ERCC6L: variants seen among roughly 807,000 people sequenced by gnomAD.
ERCC6L encodes the protein ERCC excision repair 6 like, spindle assembly checkpoint helicase, also known as DNA excision repair protein ERCC-6-like.
In ERCC6L, 7 loss-of-function variants were observed where a neutral mutation model predicts 20.1. That is an observed-to-expected ratio of 0.35 (90% CI 0.20 to 0.65). The LOEUF (loss-of-function observed/expected upper bound fraction) is 0.65, where lower values mean the gene tolerates loss of function less well. Among genes scored for constraint, ERCC6L ranks in the 30% least tolerant of loss-of-function variants. The pLI is 0.69. For synonymous variants in ERCC6L, 278 were observed against 331.3 expected (o/e 0.84, Z 1.75); for missense variants, 592 against 892.4 (o/e 0.66, Z 4.29).
At chrX:72,212,103 C>T (rs1172135711) in intron 1 of ERCC6L, among the ~76,000 whole-genome samples, 1 of 110,016 alleles carries the variant, frequency 9.1e-6, no homozygotes, top group Non-Finnish European at 1.9e-5. Context: ...GGTGAAACCC[C>T]GTCTCTACTA....
intron 1 of ERCC6L, among the ~76,000 whole-genome samples, chrX:72,221,413 A>G (rs5958801): frequency 0.45 from 49,611 of 110,050 alleles, 10,402 homozygotes; most frequent in East Asian, 0.98. Context: ...CAGCTTGACC[A>G]TCCTCTTTAG....
chrX:72,206,702 C>T lies in ERCC6L; in HGVS notation c.2065G>A (p.Asp689Asn), dbSNP rs188646020. 1 of 1,209,706 alleles carries T rather than the reference C, an allele frequency of 8.3e-7. No homozygotes were observed. Among genetic ancestry groups the T allele is most frequent in the East Asian group, 3.0e-5 (1 of 33,762 alleles). ...ATATAGTGAGATTCTTCTACCACAT[C>T]AAGCTCTTCTTTAACAGACAGATCA... ...TCDLSVKEELDVVEESHYIQQ... is the reference protein window; with the variant it reads ...TCDLSVKEELNVVEESHYIQQ... The change falls in exon 2 of 2, where the codon GAT (aspartate) becomes AAT (asparagine). Residue 689 changes from aspartate to asparagine, a missense_variant. By Grantham distance (23) the Asp-to-Asn change is conservative. This residue lies in a region of ERCC6L where 352 missense variants were observed against 402.6 expected (regional missense o/e 0.87). Coordinates refer to ENST00000334463, the MANE Select transcript of ERCC6L (RefSeq NM_017669.4).
intron 1 of ERCC6L, among the ~76,000 whole-genome samples, chrX:72,236,762 A>G (rs1405219779): frequency 9.0e-6 from 1 of 111,621 alleles, no homozygotes; most frequent in East Asian, 2.8e-4. Flanking sequence ...ATTCAATATC[A>G]TTTTGCTGCA....
chrX:72,238,983 C>CTTGGAGA lies in ERCC6L; in HGVS notation c.-73_-72insTCTCCAA. 2 of 1,026,559 alleles carry CTTGGAGA rather than the reference C, an allele frequency of 1.9e-6. No individual in the cohort carries two copies. The highest frequency in any genetic ancestry group is 1.9e-5 in the African/African-American group (1 of 53,804). The allele number at this position is 1,026,559 out of a possible 1,213,427, so 84.6% of individuals were successfully genotyped here. A position where few individuals can be genotyped will look rare whatever the true frequency, so the allele number is the denominator to read the frequency against. ...GGAGCTTGGAGCTTGGAGCTTGGAG[C>CTTGGAGA]TTAGAGTTTGGAGCTTGAATTTCGC... On this transcript the variant is annotated 5_prime_UTR_variant, in exon 1 of 2. The change creates a premature stop within an existing upstream ORF in the 5' untranslated region. Coordinates refer to ENST00000334463, the MANE Select transcript of ERCC6L (RefSeq NM_017669.4).
intron 1 of ERCC6L, among the ~76,000 whole-genome samples, chrX:72,213,911 C>T (rs891878488): frequency 3.6e-5 from 4 of 112,047 alleles, no homozygotes; most frequent in Non-Finnish European, 7.5e-5. Flanking sequence ...AGAACAAAGA[C>T]CTGTCCGTTA....
In ERCC6L at chrX:72,207,622, C is replaced by T; in HGVS notation, c.1145G>A (p.Arg382Lys). 1 of 1,210,577 alleles carries T rather than the reference C, an allele frequency of 8.3e-7. No homozygotes were observed. Among genetic ancestry groups the T allele is most frequent in the Non-Finnish European group, 1.1e-6 (1 of 894,812 alleles). ...RLVPLQEEIY[R>K]KFVSLDHIKE... ...GATATGATCTAAAGACACAAATTTC[C>T]TGTATATTTCTTCTTGTAAAGGCAC... The change falls in exon 2 of 2, where the codon AGG (arginine) becomes AAG (lysine). Residue 382 changes from arginine (R) to lysine (K), a missense_variant. By Grantham distance (26) the Arg-to-Lys change is conservative. Coordinates refer to ENST00000334463, the MANE Select transcript of ERCC6L (RefSeq NM_017669.4).
At chrX:72,234,161 A>C (rs1280132483) in intron 1 of ERCC6L, among the ~76,000 whole-genome samples, 1 of 112,118 alleles carries the variant, frequency 8.9e-6, no homozygotes, top group East Asian at 2.8e-4. Flanking sequence ...TAAGTATTTC[A>C]GCGTGAAATG....
chrX:72,205,874 G>T lies in ERCC6L; in HGVS notation c.2893C>A (p.Gln965Lys). The stretch of plus-strand genomic sequence containing the variant: ...TCTAAAGACTGACTGGAAAAATTTT[G>T]TCTGTTGTCTGCTGAGTCTTCCAAG... Reference protein sequence around the residue: ...LFLEDSADNRQNFSSQSLEHV... With the variant: ...LFLEDSADNRKNFSSQSLEHV... The change falls in exon 2 of 2, where the codon CAA (glutamine) becomes AAA (lysine). Residue 965 changes from glutamine to lysine, a missense_variant. Gln to Lys is a moderately conservative substitution (Grantham distance 53). Around this residue, in one of 3 missense-constraint regions of ERCC6L, gnomAD observed 352 missense variants for 402.6 expected, o/e 0.87. Transcript: ENST00000334463. 1.7e-6 allele frequency: 2 copies of T among 1,211,482 alleles called. No individual in the cohort carries two copies. Among genetic ancestry groups the T allele is most frequent in the Non-Finnish European group, 2.2e-6 (2 of 895,437 alleles).
In ERCC6L at chrX:72,208,012, C is replaced by T. The variant is rs201800132; in HGVS notation, c.755G>A (p.Arg252His). 9.9e-6 allele frequency: 12 copies of T among 1,210,796 alleles called. No homozygotes were observed. Among genetic ancestry groups the T allele is most frequent in the African/African-American group, 5.2e-5 (3 of 57,641 alleles). ...ICARAIPASN[R>H]LLLTGTPIQN... ...GATTGGGGTTCCTGTGAGGAGGAGG[C>T]GATTACTTGCAGGAATAGCACGAGC... The change falls in exon 2 of 2, where the codon CGC becomes CAC. Residue 252 changes from arginine (R) to histidine (H), a missense_variant. By Grantham distance (29) the Arg-to-His change is conservative. Around this residue, in one of 3 missense-constraint regions of ERCC6L, gnomAD observed 196 missense variants for 440.1 expected, o/e 0.45. Coordinates refer to ENST00000334463, the MANE Select transcript of ERCC6L (RefSeq NM_017669.4).
intron 1 of ERCC6L, among the ~76,000 whole-genome samples, chrX:72,217,389 T>C (rs2042892497): frequency 2.7e-5 from 3 of 111,793 alleles, no homozygotes; most frequent in South Asian, 7.5e-4. Flanking sequence ...AAATAGTTCT[T>C]GTCTGAGGAA....
At chrX:72,230,721 G>T (rs1291498859) in intron 1 of ERCC6L, among the ~76,000 whole-genome samples, 1 of 112,022 alleles carries the variant, frequency 8.9e-6, no homozygotes, top group Non-Finnish European at 1.9e-5. Flanking sequence ...CCAGCACTTT[G>T]GGAGGCCTAG....
At chrX:72,229,198 T>C (rs1267402646) in intron 1 of ERCC6L, among the ~76,000 whole-genome samples, 1 of 111,681 alleles carries the variant, frequency 9.0e-6, no homozygotes, top group Non-Finnish European at 1.9e-5. Flanking sequence ...AATCTCCCTG[T>C]AGGATCCTTA....
chrX:72,226,773 G>C (rs1441766696), intron 1 of ERCC6L, among the ~76,000 whole-genome samples: 2 of 111,345 alleles, frequency 1.8e-5, no homozygotes, highest in African/African-American at 6.5e-5. Flanking sequence ...ACCAAATACA[G>C]CAACTAATCA....
chrX:72,209,273 T>C (rs1313439531), intron 1 of ERCC6L, among the ~76,000 whole-genome samples: 1 of 111,750 alleles, frequency 8.9e-6, no homozygotes, highest in Non-Finnish European at 1.9e-5. Flanking sequence ...CTCCCACCTA[T>C]GTGCTCATGA....
rs1157786761 is a variant in ERCC6L, at chrX:72,208,596, C to T, written c.171G>A (p.Leu57=). The T allele has an allele frequency of 8.3e-7, 1 of 1,211,314 alleles. No individual in the cohort carries two copies. The highest frequency in any genetic ancestry group is 2.2e-5 in the Admixed American group (1 of 45,966). The part of the protein sequence containing the change: ...AKDIFPNEKV[L]SRIQKIQEAL... ...CTTCCTGTATTTTTTGGATTCTGCT[C>T]AGCACTTTTTCATTGGGAAAAATGT... The change falls in exon 2 of 2, where the codon CTG becomes CTA. Residue 57 remains leucine (L), a synonymous_variant. Coordinates refer to ENST00000334463, the MANE Select transcript of ERCC6L (RefSeq NM_017669.4).
chrX:72,230,638 T>G (rs1247805869), intron 1 of ERCC6L, among the ~76,000 whole-genome samples: 4 of 112,104 alleles, frequency 3.6e-5, no homozygotes, highest in Non-Finnish European at 3.8e-5. Flanking sequence ...AAGGGAACGC[T>G]TGTATACTGT....
intron 1 of ERCC6L, among the ~76,000 whole-genome samples, chrX:72,221,084 C>T (rs920953388): frequency 8.9e-6 from 1 of 111,861 alleles, no homozygotes; most frequent in African/African-American, 3.2e-5. Flanking sequence ...AGGCTCTGGC[C>T]GGGGCTACTC....
chrX:72,220,985 T>C (rs1359773029), intron 1 of ERCC6L, among the ~76,000 whole-genome samples: 1 of 111,906 alleles, frequency 8.9e-6, no homozygotes, highest in Non-Finnish European at 1.9e-5. Flanking sequence ...TCCTGGATCC[T>C]GAGGGTCTCT....
At chrX:72,213,647 G>A (rs891888474) in intron 1 of ERCC6L, among the ~76,000 whole-genome samples, 5 of 112,240 alleles carry the variant, frequency 4.5e-5, no homozygotes, top group Admixed American at 9.4e-5. Context: ...GCCCATTGCC[G>A]CTCCCAATCG....
Sources: gnomAD v4.1 joint callset for allele counts (sites outside exome capture counted in the v4.1 genomes callset) on GRCh38, gnomAD v4.1.1 for gene constraint, gnomAD v4.1.1 regional missense constraint, MANE v1.5 for transcripts, NCBI Gene and HGNC (gene_info 2026-07-23, HGNC 2026-07-21) for gene names.